CACNA2D3: variants seen among roughly 807,000 people sequenced by gnomAD.
CACNA2D3 encodes the protein calcium voltage-gated channel auxiliary subunit alpha2delta 3, also known as voltage-dependent calcium channel subunit alpha-2/delta-3.
A neutral mutation model predicts 160.6 loss-of-function variants in CACNA2D3; 60 were observed. That is an observed-to-expected ratio of 0.37 (90% CI 0.30 to 0.46). CACNA2D3 has a LOEUF of 0.46. Ranked by LOEUF, CACNA2D3 falls within the 20% of genes least tolerant of loss-of-function variation. CACNA2D3 has a pLI of 1.00. For synonymous variants in CACNA2D3, 558 were observed against 492.9 expected (o/e 1.13, Z -1.75); for missense variants, 1,205 against 1,365.0 (o/e 0.88, Z 1.85).
At chr3:54,795,808 G>A (rs983277182) in intron 13 of CACNA2D3, among the ~76,000 whole-genome samples, 2 of 152,148 alleles carry the variant, frequency 1.3e-5, no homozygotes, top group Non-Finnish European at 2.9e-5. Flanking sequence ...GTAAACACCA[G>A]TAGGAAATAC....
rs58358719 is a variant in CACNA2D3, at chr3:54,400,489, A to G, written c.381+13715A>G. Among the ~76,000 whole-genome samples the G allele has an allele frequency of 3.4e-3, 513 of 152,234 alleles. 21 individuals are homozygous for G. The East Asian group carries it at 0.075, about 22-fold the overall frequency. ...ACCTGACATCAAGAAATATCTTCTC[A>G]TCTAAGACTCACCATTGTGTGGAAA... On this transcript the variant is annotated intron_variant, in intron 4 of 37. Coordinates refer to ENST00000474759, the MANE Select transcript of CACNA2D3 (RefSeq NM_018398.3).
At chr3:54,887,873 AGATGCTGCACAATGAGCCCATGAGTGCCT>A in intron 23 of CACNA2D3, 57 bp from the exon 24 acceptor site, 1 of 958,006 alleles carries the variant, frequency 1.0e-6, no homozygotes, top group Non-Finnish European at 1.7e-6. Context: ...AGTAGCCTGC[AGATGCTGCACAATGAGCCCATGAGTGCCT>A]CTCATGCCCC....
chr3:54,421,967 G>T (rs1699842257), intron 4 of CACNA2D3, among the ~76,000 whole-genome samples: 1 of 151,982 alleles, frequency 6.6e-6, no homozygotes, highest in South Asian at 2.1e-4. Flanking sequence ...TTTGTCCATT[G>T]TCCTTGTTCT....
chr3:55,032,236 G>C (rs899070474), intron 35 of CACNA2D3, among the ~76,000 whole-genome samples: 16 of 152,098 alleles, frequency 1.1e-4, no homozygotes, highest in African/African-American at 3.6e-4. Flanking sequence ...AAAGCTGACA[G>C]AGAATTCCTG....
intron 13 of CACNA2D3, among the ~76,000 whole-genome samples, chr3:54,795,135 G>A (rs1384542427): frequency 6.6e-6 from 1 of 151,858 alleles, no homozygotes; most frequent in Non-Finnish European, 1.5e-5. Flanking sequence ...TGTGTCTTCA[G>A]GCCGATTACT....
At chr3:54,241,879 T>G (rs1701979941) in intron 2 of CACNA2D3, among the ~76,000 whole-genome samples, 1 of 152,198 alleles carries the variant, frequency 6.6e-6, no homozygotes, top group African/African-American at 2.4e-5. Flanking sequence ...CCTCAGTTTT[T>G]CCATCTAAAA....
At chr3:54,198,836 A>G (rs1401817338) in intron 2 of CACNA2D3, among the ~76,000 whole-genome samples, 2 of 152,388 alleles carry the variant, frequency 1.3e-5, no homozygotes, top group South Asian at 2.1e-4. Context: ...GGCACAGGCC[A>G]TTCTCAAAAG....
intron 5 of CACNA2D3, among the ~76,000 whole-genome samples, chr3:54,536,039 G>A (rs1224960188): frequency 6.6e-5 from 10 of 152,218 alleles, no homozygotes; most frequent in African/African-American, 1.9e-4. Context: ...CTATTTAGAC[G>A]TGACTGTTAG....
chr3:54,264,045 C>G (rs1190510752), intron 2 of CACNA2D3, among the ~76,000 whole-genome samples: 1 of 152,064 alleles, frequency 6.6e-6, no homozygotes, highest in Non-Finnish European at 1.5e-5. Context: ...AGGAAGAGAC[C>G]CAGCAGCATG....
chr3:54,832,073 G>A (rs145866850), intron 14 of CACNA2D3, among the ~76,000 whole-genome samples: 2 of 133,482 alleles, frequency 1.5e-5, no homozygotes, highest in African/African-American at 5.7e-5. Context: ...CCTCCTCTCT[G>A]TTGAGTTTAT....
At chr3:54,164,508 T>C (rs1396081946) in intron 2 of CACNA2D3, among the ~76,000 whole-genome samples, 1 of 152,250 alleles carries the variant, frequency 6.6e-6, no homozygotes, top group Non-Finnish European at 1.5e-5. Context: ...CTGTGTTTCC[T>C]CTGATATCTT....
intron 2 of CACNA2D3, among the ~76,000 whole-genome samples, chr3:54,129,024 G>A (rs1576944953): frequency 6.6e-6 from 1 of 152,086 alleles, no homozygotes; most frequent in South Asian, 2.1e-4. Flanking sequence ...AGCCCTCTTT[G>A]GTCCATTAAA....
chr3:54,709,431 G>C (rs774766668), intron 11 of CACNA2D3, among the ~76,000 whole-genome samples: 1 of 151,290 alleles, frequency 6.6e-6, no homozygotes, highest in Non-Finnish European at 1.5e-5. Flanking sequence ...GCATGATCTC[G>C]ATTCACTAAA....
At chr3:54,727,676 A>G (rs1297922065) in intron 11 of CACNA2D3, among the ~76,000 whole-genome samples, 1 of 152,206 alleles carries the variant, frequency 6.6e-6, no homozygotes, top group Admixed American at 6.5e-5. Context: ...CAAACACTGC[A>G]TGTTCTCACT....
intron 27 of CACNA2D3, among the ~76,000 whole-genome samples, chr3:54,941,587 C>T (rs1313007136): frequency 6.6e-6 from 1 of 152,156 alleles, no homozygotes; most frequent in Non-Finnish European, 1.5e-5. Flanking sequence ...TATCATTGCT[C>T]CCCTCACAAT....
rs938908731 is a variant in CACNA2D3, at chr3:54,581,919, C to T, written c.963+42C>T. 5.3e-6 allele frequency: 8 copies of T among 1,506,052 alleles called. No individual in the cohort carries two copies. The African/African-American group carries it at 9.6e-5, about 18-fold the overall frequency. 93.3% of individuals were successfully genotyped at this position (1,506,052 alleles called of 1,614,324 possible). ...GGAGCATTCCAGTCATGGTACACCC[C>T]TGTCTCCCTCATAGTGATTGTTTCA... On this transcript the variant is annotated intron_variant, in intron 9 of 37. Transcript: ENST00000474759.
intron 4 of CACNA2D3, among the ~76,000 whole-genome samples, chr3:54,500,468 T>A (rs1251788654): frequency 8.1e-6 from 1 of 122,796 alleles, no homozygotes; most frequent in Non-Finnish European, 1.8e-5. Flanking sequence ...CCCAGGTCCG[T>A]CCATCTTCCT....
At chr3:54,655,450 G>A (rs989660034) in intron 11 of CACNA2D3, among the ~76,000 whole-genome samples, 5 of 152,278 alleles carry the variant, frequency 3.3e-5, no homozygotes, top group Non-Finnish European at 4.4e-5. Context: ...GTTAAAATCC[G>A]TCTGCTGTAG....
intron 27 of CACNA2D3, among the ~76,000 whole-genome samples, chr3:54,944,774 T>A (rs1405034120): frequency 6.6e-6 from 1 of 152,080 alleles, no homozygotes; most frequent in African/African-American, 2.4e-5. Flanking sequence ...CACAATAACT[T>A]CTTTTATCTC....
Sources: gnomAD v4.1 joint callset for allele counts (sites outside exome capture counted in the v4.1 genomes callset) on GRCh38, gnomAD v4.1.1 for gene constraint, MANE v1.5 for transcripts, NCBI Gene and HGNC (gene_info 2026-07-23, HGNC 2026-07-21) for gene names.